Variants in MCC observed in about 807,000 individuals in gnomAD.
MCC encodes the protein MCC regulator of Wnt signaling pathway, also known as colorectal mutant cancer protein.
MCC carries 90 observed loss-of-function variants against 116.2 expected under a neutral mutation model. The ratio of observed to expected loss-of-function variants is 0.77; its 90% CI spans 0.65 to 0.92. The LOEUF is 0.92. MCC is among the 40% of genes least tolerant of loss of function. MCC has a pLI of 0.00. For synonymous variants in MCC, 578 were observed against 510.5 expected (o/e 1.13, Z -1.78); for missense variants, 1,516 against 1,312.2 (o/e 1.16, Z -2.40).
intron 5 of MCC, among the ~76,000 whole-genome samples, chr5:113,123,612 A>C (rs1485722032): frequency 6.6e-6 from 1 of 152,212 alleles, no homozygotes; most frequent in East Asian, 1.9e-4. Flanking sequence ...ACTATTAGCA[A>C]GCTGAGAAAC....
At chr5:113,109,308 T>C (rs1350839105) in intron 6 of MCC, among the ~76,000 whole-genome samples, 2 of 152,224 alleles carry the variant, frequency 1.3e-5, no homozygotes, top group Non-Finnish European at 2.9e-5. Flanking sequence ...GGTCTCTGAA[T>C]ACAATGTAAT....
intron 3 of MCC, among the ~76,000 whole-genome samples, chr5:113,221,814 T>C (rs988251054): frequency 4.6e-5 from 7 of 151,850 alleles, no homozygotes; most frequent in Non-Finnish European, 8.8e-5. Context: ...ACCACTAAAT[T>C]ATCCTTTAAA....
chr5:113,061,678 T>C (rs534419847), intron 14 of MCC, among the ~76,000 whole-genome samples: 2 of 152,330 alleles, frequency 1.3e-5, no homozygotes, highest in African/African-American at 4.8e-5. Context: ...CGTTAGGAGC[T>C]GCCTATGGGC....
rs191696941 is a variant in MCC, at chr5:113,061,866, A to C, written c.2213+2118T>G. On this transcript the variant is annotated intron_variant, in intron 14 of 18. Coordinates refer to ENST00000408903, the MANE Select transcript of MCC (RefSeq NM_001085377.2). ...AAAGATCCTTTTCTTTATTTTCATA[A>C]ACTTGACAAGGGGGAATGTCTGAGC... 4.2e-3 allele frequency among the ~76,000 whole-genome samples: 643 copies of C among 152,310 alleles called. 11 individuals carry two copies. Among genetic ancestry groups the C allele is most frequent in the Non-Finnish European group, 1.9e-3 (130 of 68,026 alleles).
chr5:113,285,645 C>G (rs1250395008), intron 3 of MCC, among the ~76,000 whole-genome samples: 1 of 152,158 alleles, frequency 6.6e-6, no homozygotes, highest in Non-Finnish European at 1.5e-5. Flanking sequence ...TGACTGTGTC[C>G]CTCATTTCAC....
intron 1 of MCC, chr5:113,437,320 A>G (rs1294747368): frequency 6.6e-6 from 1 of 152,212 alleles, no homozygotes; most frequent in Non-Finnish European, 1.5e-5. Flanking sequence ...GGCTGCCCTC[A>G]GCACAGAGCT....
At chr5:113,159,149 C>CT (rs1183051538) in intron 3 of MCC, among the ~76,000 whole-genome samples, 2 of 152,094 alleles carry the variant, frequency 1.3e-5, no homozygotes, top group African/African-American at 4.8e-5. Flanking sequence ...CCTTTCTGTG[C>CT]TTTTTTGTCC....
intron 3 of MCC, among the ~76,000 whole-genome samples, chr5:113,281,651 A>G (rs1196976775): frequency 6.6e-6 from 1 of 152,248 alleles, no homozygotes; most frequent in Non-Finnish European, 1.5e-5. Context: ...GTGAATCCAG[A>G]AAAGAAAATA....
At chr5:113,257,315 G>A (rs1158412506) in intron 3 of MCC, among the ~76,000 whole-genome samples, 2 of 152,100 alleles carry the variant, frequency 1.3e-5, no homozygotes, top group Non-Finnish European at 2.9e-5. Context: ...CAAACCTCTA[G>A]AGAGTACAAG....
chr5:113,358,106 C>T (rs10051834), intron 2 of MCC, among the ~76,000 whole-genome samples: 69,818 of 151,976 alleles, frequency 0.46, 17,424 homozygotes, highest in African/African-American at 0.65. Flanking sequence ...CCCATATAGA[C>T]TCACCCACTG....
intron 3 of MCC, among the ~76,000 whole-genome samples, chr5:113,162,401 C>T (rs1022208485): frequency 6.6e-6 from 1 of 152,190 alleles, no homozygotes; most frequent in African/African-American, 2.4e-5. Flanking sequence ...ACAACACCCA[C>T]TCATTCTAGT....
chr5:113,209,232 A>T (rs1763025722), intron 3 of MCC, among the ~76,000 whole-genome samples: 1 of 152,226 alleles, frequency 6.6e-6, no homozygotes, highest in Non-Finnish European at 1.5e-5. Context: ...GATTTTAGGG[A>T]ACAGTTGACA....
At chr5:113,077,411 G>A (rs1754532800) in intron 11 of MCC, among the ~76,000 whole-genome samples, 1 of 152,150 alleles carries the variant, frequency 6.6e-6, no homozygotes, top group Non-Finnish European at 1.5e-5. Flanking sequence ...TAGAAGGAAA[G>A]CACTCCTCAG....
At chr5:113,452,769 A>G (rs757921903) in intron 1 of MCC, among the ~76,000 whole-genome samples, 1 of 152,230 alleles carries the variant, frequency 6.6e-6, no homozygotes, top group Non-Finnish European at 1.5e-5. Flanking sequence ...TTAATGTTCA[A>G]GTCTAAGATT....
chr5:113,472,091 C>A (rs1337936513), intron 1 of MCC, among the ~76,000 whole-genome samples: 1 of 152,158 alleles, frequency 6.6e-6, no homozygotes, highest in Non-Finnish European at 1.5e-5. Context: ...AGAGGGAGTT[C>A]CCTGATCCCT....
At chr5:113,105,791 C>T (rs1283530375) in intron 6 of MCC, among the ~76,000 whole-genome samples, 4 of 152,286 alleles carry the variant, frequency 2.6e-5, no homozygotes, top group South Asian at 2.1e-4. Flanking sequence ...CTCCTAAAAG[C>T]GCAAATCAGA....
intron 3 of MCC, among the ~76,000 whole-genome samples, chr5:113,253,933 G>C (rs978944187): frequency 1.3e-5 from 2 of 152,134 alleles, no homozygotes; most frequent in African/African-American, 4.8e-5. Context: ...TGAGTGGAAG[G>C]AGGAAAACAA....
At chr5:113,039,674 C>T (rs116003689) in intron 17 of MCC, among the ~76,000 whole-genome samples, 1,605 of 151,640 alleles carry the variant, frequency 0.011, 23 homozygotes, top group African/African-American at 0.036. Flanking sequence ...CACTGTGTGA[C>T]CTTGAGAGAT....
chr5:113,320,817 A>G (rs1767406580), intron 3 of MCC, among the ~76,000 whole-genome samples: 1 of 152,222 alleles, frequency 6.6e-6, no homozygotes, highest in South Asian at 2.1e-4. Flanking sequence ...TTGCTCTTAA[A>G]TACAATATAA....
Sources: gnomAD v4.1 joint callset for allele counts (sites outside exome capture counted in the v4.1 genomes callset) on GRCh38, gnomAD v4.1.1 for gene constraint, MANE v1.5 for transcripts, NCBI Gene and HGNC (gene_info 2026-07-23, HGNC 2026-07-21) for gene names.